The following JHY variants were observed in gnomAD, a reference collection of about 807,000 sequenced individuals.
JHY encodes jhy protein homolog.
A neutral mutation model predicts 78.0 loss-of-function variants in JHY; 69 were observed. The ratio of observed to expected loss-of-function variants is 0.88; its 90% CI spans 0.73 to 1.08. The LOEUF (loss-of-function observed/expected upper bound fraction) is 1.08, where lower values mean the gene tolerates loss of function less well. JHY is among the 50% of genes least tolerant of loss of function. The probability of loss-of-function intolerance (pLI) is 0.00; values close to 1 mark genes in which losing one functional copy is unlikely to be tolerated. For synonymous variants in JHY, 368 were observed against 342.6 expected, an observed-to-expected ratio of 1.07 and a Z score of -0.82; for missense variants, 944 against 927.8, an observed-to-expected ratio of 1.02 and a Z score of -0.23.
intron 4 of JHY, among the ~76,000 whole-genome samples, chr11:122,930,655 G>A (rs564620025): frequency 6.6e-6 from 1 of 152,228 alleles, no homozygotes; most frequent in South Asian, 2.1e-4. Context: ...ATTTAACCTT[G>A]CTACATAGGC....
rs2135271749 is a variant in JHY, at chr11:122,883,293, C to T, written c.-90+321C>T. Reference sequence around the variant, plus strand: ...ACGCCCCTTGTGACAGGCCTTGTTCCTCAGGAACAAGCAAAGGTAGAAAAC... The same window carrying T: ...ACGCCCCTTGTGACAGGCCTTGTTCTTCAGGAACAAGCAAAGGTAGAAAAC... On this transcript the variant is annotated intron_variant, in intron 1 of 8. Coordinates refer to ENST00000227349, the MANE Select transcript of JHY (RefSeq NM_024806.4). This position sits in a 1 kb window ranked among gnomAD's most constrained non-coding sequence, Gnocchi z 4.4. 6.6e-6 allele frequency among the ~76,000 whole-genome samples: 1 copy of T among 152,290 alleles called. No homozygotes were observed. The highest frequency in any genetic ancestry group is 2.1e-4 in the South Asian group (1 of 4,832).
rs143324364 is a variant in JHY at position 122,957,295 on chromosome 11, C to T, written c.2011-68C>T. Reference sequence around the variant, plus strand: ...GCCCAGTATACTGAAACCAGGGCATCGCTTTAAATAGAGAGCAGAGAGAAC... The same window carrying T: ...GCCCAGTATACTGAAACCAGGGCATTGCTTTAAATAGAGAGCAGAGAGAAC... On this transcript the variant is annotated intron_variant, in intron 7 of 8. Coordinates refer to ENST00000227349, the MANE Select transcript of JHY (RefSeq NM_024806.4). The T allele has an allele frequency of 4.5e-4, 652 of 1,456,228 alleles. 4 individuals carry two copies. In the East Asian group the frequency reaches 0.013, roughly 29 times the overall value. The allele number at this position is 1,456,228 out of a possible 1,614,324, so 90.2% of individuals were successfully genotyped here.
intron 3 of JHY, among the ~76,000 whole-genome samples, chr11:122,913,410 G>T (rs779974725): frequency 6.6e-6 from 1 of 152,108 alleles, no homozygotes; most frequent in African/African-American, 2.4e-5. Context: ...TGCTTAATGT[G>T]ACGCCATGTT....
Position 122,886,125 on chromosome 11 carries a change from A to C in JHY, c.276A>C (p.Ala92=). 2 of 1,614,206 alleles carry C rather than the reference A, an allele frequency of 1.2e-6. No individual in the cohort carries two copies. Among genetic ancestry groups the C allele is most frequent in the East Asian group, 2.2e-5 (1 of 44,882 alleles). ...WGSLHEMEEE[A]SGKAAQMARE... ...GCCTGCACGAGATGGAAGAGGAAGC[A>C]AGTGGAAAAGCAGCTCAGATGGCTC... The change falls in exon 2 of 9, where the codon GCA becomes GCC. Residue 92 remains alanine (A), a synonymous_variant. Coordinates refer to ENST00000227349, the MANE Select transcript of JHY (RefSeq NM_024806.4).
Position 122,925,018 on chromosome 11 carries a change from G to A in JHY, c.978+8G>A. On this transcript the variant is annotated splice_region_variant and intron_variant, in intron 4 of 8. Coordinates refer to ENST00000227349, the MANE Select transcript of JHY (RefSeq NM_024806.4). ...AGAGCACAACAGCTAAAGGTTACCT[G>A]CTAGATTGCATTTTAAGTGTGTTTC... is the stretch of plus-strand genomic sequence containing the variant. 1 of 1,592,378 alleles carries A rather than the reference G, an allele frequency of 6.3e-7. No individual in the cohort carries two copies. Among genetic ancestry groups the A allele is most frequent in the African/African-American group, 1.3e-5 (1 of 74,636 alleles).
chr11:122,918,888 G>C (rs942857201), intron 3 of JHY, among the ~76,000 whole-genome samples: 4 of 146,496 alleles, frequency 2.7e-5, no homozygotes, highest in Admixed American at 6.7e-5. Context: ...GTCCAGAAGG[G>C]GGGAAGAAAA....
At chr11:122,891,395 T>C (rs1189894256) in intron 2 of JHY, among the ~76,000 whole-genome samples, 1 of 152,108 alleles carries the variant, frequency 6.6e-6, no homozygotes, top group Non-Finnish European at 1.5e-5. Flanking sequence ...TGGAGCAGCA[T>C]TGACTGTAGT....
At chr11:122,938,869 A>G (rs946857356) in intron 5 of JHY, among the ~76,000 whole-genome samples, 3 of 152,096 alleles carry the variant, frequency 2.0e-5, no homozygotes, top group African/African-American at 7.2e-5. Flanking sequence ...CTTCACAGGC[A>G]GAAGACTTGT....
rs116782290 is a variant in JHY at position 122,960,796 on chromosome 11, C to A, written c.*1351C>A. 1,606 of 538,628 alleles carry A rather than the reference C, an allele frequency of 3.0e-3. 22 individuals carry two copies. Among genetic ancestry groups the A allele is most frequent in the African/African-American group, 0.027 (1,397 of 52,174 alleles). 33.4% of individuals were successfully genotyped at this position (538,628 alleles called of 1,614,324 possible). ...CAGGATGCAATTGATTTGGAGAAGT[C>A]GCAGCGCTCACTGGTTCAGAAGCGC... is the stretch of plus-strand genomic sequence containing the variant. On this transcript the variant is annotated 3_prime_UTR_variant, in exon 9 of 9. Coordinates refer to ENST00000227349, the MANE Select transcript of JHY (RefSeq NM_024806.4).
At position 122,957,469 on chromosome 11, in the gene JHY, A is replaced by T. The variant is rs374087371; in HGVS notation, c.2117A>T (p.Lys706Ile). Residue 706 changes from lysine (K) to isoleucine (I), a missense_variant, in exon 8 of 9, where the codon AAA becomes ATA. By Grantham distance (102) the Lys-to-Ile change is moderately radical. Coordinates refer to ENST00000227349, the MANE Select transcript of JHY (RefSeq NM_024806.4). ...CCACAAACAGAAAAAACTCAAAAGA[A>T]ATCTGCTATCCCTCGGCAGAAGGTA... is the stretch of plus-strand genomic sequence containing the variant. ...SKPQTEKTQK[K>I]SAIPRQKALE... 6.5e-7 allele frequency: 1 copy of T among 1,538,216 alleles called. No individual in the cohort carries two copies. Among genetic ancestry groups the T allele is most frequent in the Non-Finnish European group, 8.7e-7 (1 of 1,153,880 alleles).
chr11:122,895,931 A>G (rs1447879274), intron 2 of JHY, among the ~76,000 whole-genome samples: 1 of 152,184 alleles, frequency 6.6e-6, no homozygotes, highest in Non-Finnish European at 1.5e-5. Context: ...TTCTAGGCTC[A>G]TGATTTTGCA....
intron 2 of JHY, among the ~76,000 whole-genome samples, chr11:122,902,157 T>TA (rs1271429760): frequency 2.0e-5 from 3 of 146,700 alleles, no homozygotes; most frequent in African/African-American, 2.4e-5. Flanking sequence ...AAAATAATGA[T>TA]AAAAAATATG....
chr11:122,939,056 C>T (rs1329848432), intron 5 of JHY, among the ~76,000 whole-genome samples: 1 of 150,986 alleles, frequency 6.6e-6, no homozygotes, highest in Non-Finnish European at 1.5e-5. Flanking sequence ...GGCACGATCT[C>T]AGCTCACTGC....
intron 5 of JHY, among the ~76,000 whole-genome samples, chr11:122,943,674 C>A (rs1039280137): frequency 1.3e-5 from 2 of 152,104 alleles, no homozygotes; most frequent in South Asian, 2.1e-4. Flanking sequence ...CTGATGAATT[C>A]TTCTTTTAAT....
At chr11:122,895,683 A>C (rs1332375312) in intron 2 of JHY, among the ~76,000 whole-genome samples, 1 of 152,168 alleles carries the variant, frequency 6.6e-6, no homozygotes, top group Non-Finnish European at 1.5e-5. Flanking sequence ...ACAGTAACAA[A>C]AGAGTTGTGT....
rs1331763464 is a variant in JHY at position 122,935,873 on chromosome 11, T to C, written c.1634+798T>C. 3.3e-5 allele frequency among the ~76,000 whole-genome samples: 5 copies of C among 152,182 alleles called. No homozygotes were observed. The highest frequency in any genetic ancestry group is 2.6e-4 in the Admixed American group (4 of 15,286). On this transcript the variant is annotated intron_variant, in intron 5 of 8. Transcript: ENST00000227349. This position sits in a 1 kb window ranked among gnomAD's most constrained non-coding sequence, Gnocchi z 4.5. ...AAAAATTATGGTTATGAGGAAATGC[T>C]TCTATAGGAAGAAAATAGTAAGGTA...
chr11:122,947,085 C>A (rs945369496), intron 6 of JHY: 1 of 273,016 alleles, frequency 3.7e-6, no homozygotes, highest in African/African-American at 2.2e-5. Context: ...TCATCCCCAG[C>A]TGAAACATCT....
At chr11:122,908,619 T>C (rs545625354) in intron 3 of JHY, among the ~76,000 whole-genome samples, 11 of 152,354 alleles carry the variant, frequency 7.2e-5, no homozygotes, top group African/African-American at 2.6e-4. Context: ...ATGTTTTCCA[T>C]GGCTGATAGG....
intron 6 of JHY, among the ~76,000 whole-genome samples, chr11:122,953,109 T>A (rs1418475707): frequency 6.6e-6 from 1 of 152,134 alleles, no homozygotes; most frequent in Non-Finnish European, 1.5e-5. Flanking sequence ...TCTATGGCTA[T>A]TAACGTATCT....
Sources: gnomAD v4.1 joint callset for allele counts (sites outside exome capture counted in the v4.1 genomes callset) on GRCh38, gnomAD v4.1.1 for gene constraint, Gnocchi (gnomAD v3.1) non-coding constraint, MANE v1.5 for transcripts, NCBI Gene and HGNC (gene_info 2026-07-23, HGNC 2026-07-21) for gene names.